The following HAT1 variants were observed in gnomAD, a reference collection of about 807,000 sequenced individuals.
HAT1 encodes the protein histone acetyltransferase 1.
In HAT1, 20 loss-of-function variants were observed where a neutral mutation model predicts 56.6. The observed-to-expected ratio is 0.35, with a 90% CI of 0.25 to 0.51. HAT1 has a LOEUF of 0.51. Ranked by LOEUF, HAT1 falls within the 20% of genes least tolerant of loss-of-function variation. The pLI, the probability that HAT1 is intolerant of heterozygous loss-of-function variation, is 0.95. For synonymous variants in HAT1, 146 were observed against 165.5 expected (o/e 0.88, Z 0.91); for missense variants, 408 against 504.3 (o/e 0.81, Z 1.83).
intron 8 of HAT1, among the ~76,000 whole-genome samples, chr2:171,970,762 C>T (rs986062664): frequency 6.6e-6 from 1 of 150,792 alleles, no homozygotes; most frequent in African/African-American, 2.4e-5. Flanking sequence ...TTGTGACCCT[C>T]CGGCCTCGGC....
chr2:171,952,594 T>C (rs1017655113), intron 3 of HAT1, among the ~76,000 whole-genome samples: 10 of 152,228 alleles, frequency 6.6e-5, no homozygotes, highest in African/African-American at 1.9e-4. Flanking sequence ...GTAGCAATAG[T>C]ATTAAATGTC....
intron 2 of HAT1, among the ~76,000 whole-genome samples, chr2:171,942,967 A>C (rs552927437): frequency 6.2e-4 from 95 of 152,190 alleles, no homozygotes; most frequent in Non-Finnish European, 1.0e-3. Context: ...TATACATATT[A>C]GTTTGAAAAT....
At chr2:171,950,089 C>T (rs1687266633) in intron 3 of HAT1, among the ~76,000 whole-genome samples, 1 of 152,040 alleles carries the variant, frequency 6.6e-6, no homozygotes, top group African/African-American at 2.4e-5. Context: ...TTAAATATTT[C>T]CCTTCATGTC....
At chr2:171,970,884 G>A (rs1574064035) in intron 8 of HAT1, among the ~76,000 whole-genome samples, 1 of 150,846 alleles carries the variant, frequency 6.6e-6, no homozygotes, top group South Asian at 2.1e-4. Context: ...CATTGGATAA[G>A]CTTGTACCTC....
chr2:171,967,355 T>C (rs189969424), intron 8 of HAT1, among the ~76,000 whole-genome samples: 8 of 152,344 alleles, frequency 5.3e-5, no homozygotes, highest in Admixed American at 1.3e-4. Context: ...TAAATACTTC[T>C]TGAATAGAAT....
chr2:171,969,350 T>C (rs1230236637), intron 8 of HAT1, among the ~76,000 whole-genome samples: 1 of 152,202 alleles, frequency 6.6e-6, no homozygotes, highest in Non-Finnish European at 1.5e-5. Flanking sequence ...GTGAATTGTT[T>C]ATAACTTAGG....
chr2:171,979,359 A>G lies in HAT1; in HGVS notation c.1088A>G (p.Tyr363Cys). The change falls in exon 10 of 11, where the codon TAT (tyrosine) becomes TGT (cysteine). Residue 363 changes from tyrosine (Y) to cysteine (C), a missense_variant. Transcript: ENST00000264108. ...ATTAAAAGAAGACTAATTAGCCCAT[A>G]TAAGGTAGGACTTTCAAGAATCTTA... ...LDIKRRLISP[Y>C]KKKQRDLAKM... is the part of the protein sequence containing the mutation. 1 of 1,427,848 alleles carries G rather than the reference A, an allele frequency of 7.0e-7. No individual in the cohort carries two copies. The highest frequency in any genetic ancestry group is 9.9e-7 in the Non-Finnish European group (1 of 1,009,864). 88.4% of individuals were successfully genotyped at this position (1,427,848 alleles called of 1,614,324 possible).
At chr2:171,948,950 G>GT (rs1306244665) in intron 3 of HAT1, among the ~76,000 whole-genome samples, 1 of 152,092 alleles carries the variant, frequency 6.6e-6, no homozygotes, top group African/African-American at 2.4e-5. Flanking sequence ...TAAAGTTAGT[G>GT]TTTTTTCCTT....
intron 2 of HAT1, among the ~76,000 whole-genome samples, chr2:171,941,288 C>T (rs1292875331): frequency 6.6e-6 from 1 of 152,114 alleles, no homozygotes; most frequent in Non-Finnish European, 1.5e-5. Context: ...TCTCGGCTCA[C>T]TGCAACCTCC....
chr2:171,945,795 A>C (rs1003957455), intron 2 of HAT1, among the ~76,000 whole-genome samples: 5 of 152,024 alleles, frequency 3.3e-5, no homozygotes, highest in African/African-American at 7.2e-5. Flanking sequence ...CAGCCTCCCA[A>C]GTAGCTGGGA....
intron 2 of HAT1, among the ~76,000 whole-genome samples, chr2:171,941,553 G>T (rs761666069): frequency 6.6e-6 from 1 of 152,156 alleles, no homozygotes; most frequent in Non-Finnish European, 1.5e-5. Context: ...CACTGCCTCA[G>T]CTCCACCTCA....
At chr2:171,973,595 G>A (rs1053837773) in intron 8 of HAT1, among the ~76,000 whole-genome samples, 3 of 152,224 alleles carry the variant, frequency 2.0e-5, no homozygotes, top group Admixed American at 6.5e-5. Flanking sequence ...GGTAAATGAT[G>A]GGTGAACAAG....
chr2:171,969,417 T>C (rs1315111728), intron 8 of HAT1, among the ~76,000 whole-genome samples: 1 of 152,182 alleles, frequency 6.6e-6, no homozygotes, highest in East Asian at 1.9e-4. Flanking sequence ...ATCACTAATA[T>C]GTATGTTAAT....
chr2:171,930,376 C>T (rs956639468), intron 2 of HAT1, among the ~76,000 whole-genome samples: 3 of 152,054 alleles, frequency 2.0e-5, no homozygotes, highest in Admixed American at 6.6e-5. Flanking sequence ...CGCCTTGTTA[C>T]CCAGACTGGT....
chr2:171,944,452 A>G (rs1010730295), intron 2 of HAT1, among the ~76,000 whole-genome samples: 2 of 152,222 alleles, frequency 1.3e-5, no homozygotes, highest in Non-Finnish European at 2.9e-5. Flanking sequence ...AGAAAACTTC[A>G]TGGGTGATGC....
At chr2:171,977,557 A>ATATATATATATATATATT (rs1271452199) in intron 9 of HAT1, among the ~76,000 whole-genome samples, 1 of 16,356 alleles carries the variant, frequency 6.1e-5, no homozygotes, top group Admixed American at 1.1e-3. Context: ...ATATATATAT[A>ATATATATATATATATATT]TTTTTTTTTT....
chr2:171,947,425 A>T (rs1315915695), intron 3 of HAT1, among the ~76,000 whole-genome samples: 4 of 151,214 alleles, frequency 2.6e-5, no homozygotes, highest in South Asian at 2.1e-4. Flanking sequence ...GGCTTTTTTT[A>T]AAAAATTTTT....
chr2:171,928,898 G>A (rs1686666905), intron 2 of HAT1, among the ~76,000 whole-genome samples: 1 of 152,098 alleles, frequency 6.6e-6, no homozygotes, highest in Non-Finnish European at 1.5e-5. Context: ...TCTAGTTTTT[G>A]GCTGTTATTG....
At chr2:171,931,623 G>A (rs1185637950) in intron 2 of HAT1, among the ~76,000 whole-genome samples, 1 of 152,070 alleles carries the variant, frequency 6.6e-6, no homozygotes, top group Admixed American at 6.5e-5. Context: ...GCAGTGAGCC[G>A]AGATTGTGCC....
Sources: gnomAD v4.1 joint callset for allele counts (sites outside exome capture counted in the v4.1 genomes callset) on GRCh38, gnomAD v4.1.1 for gene constraint, MANE v1.5 for transcripts, NCBI Gene and HGNC (gene_info 2026-07-23, HGNC 2026-07-21) for gene names.